The following USP47 variants were observed in gnomAD, a reference collection of about 807,000 sequenced individuals.
The protein encoded by USP47 is ubiquitin carboxyl-terminal hydrolase 47.
In USP47, 35 loss-of-function variants were observed where a neutral mutation model predicts 165.1. That is an observed-to-expected ratio of 0.21 (90% CI 0.16 to 0.28). The LOEUF is 0.28. Ranked by LOEUF, USP47 falls within the 10% of genes least tolerant of loss-of-function variation. The probability of loss-of-function intolerance (pLI) is 1.00; values close to 1 mark genes in which losing one functional copy is unlikely to be tolerated. For missense variants in USP47, 1,277 were observed against 1,607.4 expected (o/e 0.79, Z 3.52); for synonymous variants, 531 against 544.5 (o/e 0.98, Z 0.35).
At chr11:11,852,284 T>A (rs1439178437) in intron 1 of USP47, among the ~76,000 whole-genome samples, 1 of 152,194 alleles carries the variant, frequency 6.6e-6, no homozygotes, top group African/African-American at 2.4e-5. Context: ...GAGGAGAATT[T>A]GTCCTTCCCC....
intron 1 of USP47, among the ~76,000 whole-genome samples, chr11:11,865,245 AC>A (rs1372200830): frequency 1.3e-5 from 2 of 151,962 alleles, no homozygotes; most frequent in Non-Finnish European, 2.9e-5. Context: ...TACTTTTTAA[AC>A]CTGCCCTCTT....
Position 11,902,833 on chromosome 11 carries a change from A to G in USP47, c.712A>G (p.Arg238Gly), listed in dbSNP as rs529040280. The G allele has an allele frequency of 1.4e-5, 23 of 1,599,030 alleles. No individual in the cohort carries two copies. The highest frequency in any genetic ancestry group is 2.0e-5 in the Non-Finnish European group (23 of 1,172,640). ...KRAIETTDVT[R>G]SFGWDSSEAW... ...AGCAATTGAAACCACAGATGTTACA[A>G]GGAGCTTTGGATGGGATAGTAGTGA... Residue 238 changes from arginine (R) to glycine (G), a missense_variant, in exon 6 of 28, where the codon AGG (arginine) becomes GGG (glycine). By Grantham distance (125) the Arg-to-Gly change is moderately radical. Around this residue, in one of 4 missense-constraint regions of USP47, gnomAD observed 175 missense variants for 295.8 expected, o/e 0.59. Coordinates refer to ENST00000527733, the MANE Select transcript of USP47 (RefSeq NM_001282659.2).
At position 11,920,163 on chromosome 11, in the gene USP47, C is replaced by A; in HGVS notation, c.977C>A (p.Ala326Glu). 1 of 1,587,676 alleles carries A rather than the reference C, an allele frequency of 6.3e-7. No homozygotes were observed. Among genetic ancestry groups the A allele is most frequent in the Non-Finnish European group, 8.6e-7 (1 of 1,168,452 alleles). Residue 326 changes from alanine (A) to glutamate (E), a missense_variant, in exon 9 of 28, where the codon GCA becomes GAA. This residue lies in a region of USP47 where 175 missense variants were observed against 295.8 expected (regional missense o/e 0.59). Transcript: ENST00000527733. ...SSQAFASVEE[A>E]LHAFIQPEIL... is the part of the protein sequence containing the mutation. ...AAATTTTTTTCTAACTAGGAAGAAG[C>A]ATTGCATGCATTTATTCAGCCAGAG...
At chr11:11,880,122 CT>C in intron 1 of USP47, 54 bp from the exon 2 acceptor site, 3 of 1,213,838 alleles carry the variant, frequency 2.5e-6, no homozygotes, top group Non-Finnish European at 3.3e-6. Context: ...GCTAATTATA[CT>C]TTTGTTTTGC....
intron 1 of USP47, among the ~76,000 whole-genome samples, chr11:11,848,110 A>C (rs1248568225): frequency 2.6e-5 from 4 of 152,234 alleles, no homozygotes; most frequent in Non-Finnish European, 5.9e-5. Flanking sequence ...TTGATTTTTT[A>C]AATTTAATTT....
At chr11:11,906,429 A>G (rs531622892) in intron 8 of USP47, among the ~76,000 whole-genome samples, 2 of 152,202 alleles carry the variant, frequency 1.3e-5, no homozygotes, top group Non-Finnish European at 2.9e-5. Flanking sequence ...AAGCTTTTCT[A>G]TACTTCTAAG....
Position 11,956,267 on chromosome 11 carries a change from T to TGG in USP47, c.*95_*96dup, listed in dbSNP as rs1856553388. 3.4e-6 allele frequency: 5 copies of TGG among 1,454,558 alleles called. No individual in the cohort carries two copies. In the South Asian group the frequency reaches 6.3e-5, roughly 18 times the overall value. The allele number at this position is 1,454,558 out of a possible 1,614,324, so 90.1% of individuals were successfully genotyped here. A position where few individuals can be genotyped will look rare whatever the true frequency, so the allele number is the denominator to read the frequency against. On this transcript the variant is annotated 3_prime_UTR_variant, in exon 28 of 28. Transcript: ENST00000527733. ...TAGTGCCATTTTGGCCGGACATGGT[T>TGG]GGGGTAACCCAGTGACACCAGCACT... is the stretch of plus-strand genomic sequence containing the variant.
At chr11:11,944,902 C>A (rs1343516927) in intron 20 of USP47, among the ~76,000 whole-genome samples, 1 of 151,978 alleles carries the variant, frequency 6.6e-6, no homozygotes, top group African/African-American at 2.4e-5. Flanking sequence ...TAGTCTCAAC[C>A]GTAGGAAAAA....
At chr11:11,843,796 G>T (rs1348762209) in intron 1 of USP47, among the ~76,000 whole-genome samples, 11 of 152,194 alleles carry the variant, frequency 7.2e-5, no homozygotes, top group Admixed American at 7.2e-4. Flanking sequence ...CATCTGTTGT[G>T]TAAAAAGTGA....
intron 5 of USP47, among the ~76,000 whole-genome samples, chr11:11,902,043 C>A (rs903012455): frequency 4.0e-5 from 6 of 151,740 alleles, no homozygotes; most frequent in African/African-American, 1.5e-4. Context: ...AATATCAACT[C>A]ATAGTCAATC....
intron 24 of USP47, chr11:11,951,290 T>A (rs1408924616): frequency 6.6e-6 from 1 of 152,172 alleles, no homozygotes; most frequent in Non-Finnish European, 1.5e-5. Flanking sequence ...TTATTTTACT[T>A]TGAGTATCAC....
chr11:11,936,408 C>G lies in USP47; in HGVS notation c.1975C>G (p.Pro659Ala). The G allele has an allele frequency of 6.2e-7, 1 of 1,610,340 alleles. No individual in the cohort carries two copies. The highest frequency in any genetic ancestry group is 8.5e-7 in the Non-Finnish European group (1 of 1,177,562). The change falls in exon 17 of 28, where the codon CCA (proline) becomes GCA (alanine). Residue 659 changes from proline to alanine, a missense_variant. Physicochemically the swap from Pro to Ala is conservative, Grantham distance 27. Transcript: ENST00000527733. Reference sequence around the variant, plus strand: ...GTCATATGAAGGAGAAGAAGATACACCAATGGGGCTTCTACTAGGTGGCGT... The same window carrying G: ...GTCATATGAAGGAGAAGAAGATACAGCAATGGGGCTTCTACTAGGTGGCGT... ...ERSYEGEEDT[P>A]MGLLLGGVKS...
At chr11:11,862,720 T>TA (rs1482572168) in intron 1 of USP47, among the ~76,000 whole-genome samples, 51 of 152,190 alleles carry the variant, frequency 3.4e-4, no homozygotes, top group African/African-American at 1.1e-3. Context: ...GATACAAGCA[T>TA]AATTTTTTTT....
chr11:11,844,350 C>T (rs1848309557), intron 1 of USP47, among the ~76,000 whole-genome samples: 1 of 152,122 alleles, frequency 6.6e-6, no homozygotes, highest in Admixed American at 6.5e-5. Flanking sequence ...TTAATTGGCA[C>T]TTTTGTGTGA....
chr11:11,916,333 G>T (rs1020548078), intron 8 of USP47, among the ~76,000 whole-genome samples: 1 of 152,092 alleles, frequency 6.6e-6, no homozygotes, highest in African/African-American at 2.4e-5. Flanking sequence ...AATATATGGG[G>T]AGCAGTAAGA....
rs1853754646 is a variant in USP47, at chr11:11,920,500, TA to T, written c.1218+7del. The T allele has an allele frequency of 1.3e-5, 21 of 1,592,720 alleles. No individual in the cohort carries two copies. The highest frequency in any genetic ancestry group is 1.7e-5 in the Non-Finnish European group (20 of 1,172,450). On this transcript the variant is annotated splice_region_variant and intron_variant, in intron 10 of 27. Transcript: ENST00000527733. ...TTATTGATGTTGAAGATGAGGTAAA[TA>T]TTTGTTATTTTAAAGTATTTTTCAT...
chr11:11,925,310 A>G (rs907475914), intron 11 of USP47, among the ~76,000 whole-genome samples: 2 of 151,902 alleles, frequency 1.3e-5, no homozygotes, highest in Middle Eastern at 3.2e-3. Flanking sequence ...GGGTTTCACC[A>G]TGTTAGCCAT....
rs1210894074 is a variant in USP47, at chr11:11,956,304, C to T, written c.*129C>T. 4 of 882,334 alleles carry T rather than the reference C, an allele frequency of 4.5e-6. No individual in the cohort carries two copies. The highest frequency in any genetic ancestry group is 6.8e-6 in the Non-Finnish European group (4 of 589,132). The allele number at this position is 882,334 out of a possible 1,614,324, so 54.7% of individuals were successfully genotyped here. A position where few individuals can be genotyped will look rare whatever the true frequency, so the allele number is the denominator to read the frequency against. ...GTGACACCAGCACTGATTGGACTGC[C>T]CTACACCAATCAGAAGCTCAGTGCC... is the stretch of plus-strand genomic sequence containing the variant. On this transcript the variant is annotated 3_prime_UTR_variant, in exon 28 of 28. Transcript: ENST00000527733.
At chr11:11,948,680 C>A in intron 22 of USP47, 122 bp downstream of exon 22, 1 of 861,894 alleles carries the variant, frequency 1.2e-6, no homozygotes, top group Non-Finnish European at 1.8e-6. Flanking sequence ...TTTTCTGGGC[C>A]TTGCAGTTTA....
Sources: gnomAD v4.1 joint callset for allele counts (sites outside exome capture counted in the v4.1 genomes callset) on GRCh38, gnomAD v4.1.1 for gene constraint, gnomAD v4.1.1 regional missense constraint, MANE v1.5 for transcripts, NCBI Gene and HGNC (gene_info 2026-07-23, HGNC 2026-07-21) for gene names.